FKBP9: variants seen among roughly 807,000 people sequenced by gnomAD.
The protein encoded by FKBP9 is FKBP prolyl isomerase 9.
Under a neutral mutation model 55.6 loss-of-function variants are expected in FKBP9, and 27 were observed. The observed-to-expected ratio is 0.49, with a 90% CI of 0.36 to 0.67. The LOEUF (loss-of-function observed/expected upper bound fraction) is 0.67, where lower values mean the gene tolerates loss of function less well. Ranked by LOEUF, FKBP9 falls within the 30% of genes least tolerant of loss-of-function variation. FKBP9 has a pLI of 0.00. For synonymous variants in FKBP9, 267 were observed against 296.5 expected (o/e 0.90, Z 1.02); for missense variants, 539 against 742.8 (o/e 0.73, Z 3.19).
intron 1 of FKBP9, among the ~76,000 whole-genome samples, chr7:32,959,161 T>C (rs1490211961): frequency 2.0e-5 from 3 of 148,574 alleles, no homozygotes; most frequent in African/African-American, 7.4e-5. Context: ...ATCCCAGCAC[T>C]TTGGGAGGCC....
At chr7:32,988,691 G>A (rs755719633) in intron 6 of FKBP9, 39 bp downstream of exon 6, 1 of 1,605,928 alleles carries the variant, frequency 6.2e-7, no homozygotes, top group Non-Finnish European at 8.5e-7. Context: ...ACTAGCTGTG[G>A]CTGCTTCCAC....
intron 6 of FKBP9, among the ~76,000 whole-genome samples, chr7:32,989,820 T>C (rs1449826433): frequency 1.3e-5 from 2 of 152,148 alleles, no homozygotes; most frequent in Non-Finnish European, 2.9e-5. Context: ...TACCTTACTT[T>C]ATTTTGTTTT....
intron 1 of FKBP9, among the ~76,000 whole-genome samples, chr7:32,960,223 T>G (rs1000609591): frequency 6.7e-6 from 1 of 150,142 alleles, no homozygotes. Context: ...CAAGCAATTC[T>G]CTTACCTCAG....
At chr7:32,995,962 G>A (rs1405441173) in intron 6 of FKBP9, among the ~76,000 whole-genome samples, 2 of 152,158 alleles carry the variant, frequency 1.3e-5, no homozygotes, top group Non-Finnish European at 2.9e-5. Flanking sequence ...CTGTGCCTCC[G>A]TTTATCCACC....
chr7:32,996,606 T>TTTCCTTCCTTCCTTCCTTCC lies in FKBP9; in HGVS notation c.1226+292_1226+311dup, dbSNP rs201756956. ...CAGATCTCATCGTATAACTGCTATC[T>TTTCCTTCCTTCCTTCCTTCC]TTCCTTCCTTCCTTCCTTCCTTCCT... On this transcript the variant is annotated intron_variant, in intron 7 of 9. Transcript: ENST00000242209. 7.7e-3 allele frequency among the ~76,000 whole-genome samples: 853 copies of TTTCCTTCCTTCCTTCCTTCC among 110,404 alleles called. 19 individuals carry two copies. The highest frequency in any genetic ancestry group is 0.011 in the African/African-American group (278 of 25,746). 72.4% of individuals were successfully genotyped at this position (110,404 alleles called of 152,430 possible).
intron 9 of FKBP9, 150 bp downstream of exon 9, chr7:33,002,989 C>T (rs1028975553): frequency 3.7e-5 from 24 of 655,278 alleles, no homozygotes; most frequent in East Asian, 8.3e-5. Flanking sequence ...GTGTGCCAAG[C>T]GCTTTTACAC....
At position 32,985,998 on chromosome 7, in the gene FKBP9, AAAG is replaced by A. The variant is rs972228251; in HGVS notation, c.894-2506_894-2504del. On this transcript the variant is annotated intron_variant, in intron 5 of 9. Transcript: ENST00000242209. ...ACAGAGTGAGACTGTGTCTCAAAAA[AAAG>A]AAAAGATAAAAGAACTTATAAGTTA... Among the ~76,000 whole-genome samples, 4 of 152,236 alleles carry A rather than the reference AAAG, an allele frequency of 2.6e-5. 1 individual carries two copies. Among genetic ancestry groups the A allele is most frequent in the African/African-American group, 9.6e-5 (4 of 41,464 alleles).
chr7:32,980,896 G>A (rs1488191348), intron 5 of FKBP9, among the ~76,000 whole-genome samples: 5 of 151,522 alleles, frequency 3.3e-5, no homozygotes, highest in East Asian at 1.9e-4. Context: ...CACCATGCTT[G>A]GCTAATGTTT....
chr7:32,964,165 T>A (rs1237613877), intron 1 of FKBP9, among the ~76,000 whole-genome samples: 1 of 152,200 alleles, frequency 6.6e-6, no homozygotes, highest in Non-Finnish European at 1.5e-5. Flanking sequence ...GCCCTGTGCG[T>A]TTCTGCTAAC....
At chr7:32,986,542 G>A (rs926789953) in intron 5 of FKBP9, among the ~76,000 whole-genome samples, 10 of 152,234 alleles carry the variant, frequency 6.6e-5, no homozygotes, top group Non-Finnish European at 1.0e-4. Flanking sequence ...TGCACCAGGA[G>A]GAGGATTGGA....
At chr7:32,971,384 CACAGTGCTTAG>C in intron 1 of FKBP9, among the ~76,000 whole-genome samples, 1 of 152,308 alleles carries the variant, frequency 6.6e-6, no homozygotes, top group South Asian at 2.1e-4. Context: ...CTTAATTGTT[CACAGTGCTTAG>C]GCGACATCAA....
At chr7:32,987,980 A>G (rs909067438) in intron 5 of FKBP9, among the ~76,000 whole-genome samples, 8 of 151,828 alleles carry the variant, frequency 5.3e-5, no homozygotes, top group African/African-American at 1.9e-4. Flanking sequence ...GGAGCTCAAG[A>G]CCAGGCTGAG....
Position 33,005,266 on chromosome 7 carries a change from C to G in FKBP9, c.1628C>G (p.Thr543Ser), listed in dbSNP as rs200378929. Reference sequence around the variant, plus strand: ...GAGCTGATTGTGAAGAATATGTTCACCAACCAGGACCGGAATGGAGATGGG... The same window carrying G: ...GAGCTGATTGTGAAGAATATGTTCAGCAACCAGGACCGGAATGGAGATGGG... ...DAELIVKNMF[T>S]NQDRNGDGKV... Residue 543 changes from threonine (T) to serine (S), a missense_variant, in exon 10 of 10, where the codon ACC becomes AGC. Thr to Ser is a moderately conservative substitution (Grantham distance 58). Coordinates refer to ENST00000242209, the MANE Select transcript of FKBP9 (RefSeq NM_007270.5). 5.3e-5 allele frequency: 86 copies of G among 1,614,148 alleles called. No individual in the cohort carries two copies. The highest frequency in any genetic ancestry group is 7.1e-5 in the Non-Finnish European group (84 of 1,180,024).
chr7:32,957,700 G>C lies in FKBP9; in HGVS notation c.127G>C (p.Val43Leu), dbSNP rs750279659. The change falls in exon 1 of 10, where the codon GTG becomes CTG. Residue 43 changes from valine (V) to leucine (L), a missense_variant. By Grantham distance (32) the Val-to-Leu change is conservative. Transcript: ENST00000242209. ...DAELQIERRF[V>L]PDECPRTVRS... ...GGAGCTGCAGATCGAGCGGCGCTTC[G>C]TGCCCGACGAGTGCCCGCGCACCGT... The C allele has an allele frequency of 2.6e-6, 4 of 1,539,802 alleles. No homozygotes were observed. Among genetic ancestry groups the C allele is most frequent in the Non-Finnish European group, 3.5e-6 (4 of 1,152,542 alleles).
rs1268728958 is a variant in FKBP9 at position 32,957,572 on chromosome 7, C to G, written c.-2C>G. 3 of 1,462,172 alleles carry G rather than the reference C, an allele frequency of 2.1e-6. No individual in the cohort carries two copies. The highest frequency in any genetic ancestry group is 3.0e-5 in the East Asian group (1 of 33,380). 90.6% of individuals were successfully genotyped at this position (1,462,172 alleles called of 1,614,324 possible). On this transcript the variant is annotated 5_prime_UTR_variant, in exon 1 of 10. Coordinates refer to ENST00000242209, the MANE Select transcript of FKBP9 (RefSeq NM_007270.5). ...GTCCGCGCCACTCTTCTCGCCGCCC[C>G]GATGGCGTTCCGGGGCTGGAGGCCC...
intron 8 of FKBP9, chr7:33,001,934 A>T (rs939634717): frequency 2.0e-5 from 3 of 152,222 alleles, no homozygotes; most frequent in Non-Finnish European, 1.5e-5. Context: ...TTACACATAT[A>T]CACATTTATT....
rs534282482 is a variant in FKBP9 at position 32,975,092 on chromosome 7, C to T, written c.368-90C>T. 34 of 1,041,426 alleles carry T rather than the reference C, an allele frequency of 3.3e-5. No homozygotes were observed. In the South Asian group the frequency reaches 4.7e-4, roughly 15 times the overall value. 64.5% of individuals were successfully genotyped at this position (1,041,426 alleles called of 1,614,324 possible). A position where few individuals can be genotyped will look rare whatever the true frequency, so the allele number is the denominator to read the frequency against. On this transcript the variant is annotated intron_variant, in intron 2 of 9. Coordinates refer to ENST00000242209, the MANE Select transcript of FKBP9 (RefSeq NM_007270.5). ...CGGTGACTGCTTGAACCCTTTTGGC[C>T]CACATTCACCTTGGGAGCATCCTAG...
chr7:32,985,074 G>T (rs1482157356), intron 5 of FKBP9, among the ~76,000 whole-genome samples: 1 of 151,798 alleles, frequency 6.6e-6, no homozygotes, highest in African/African-American at 2.4e-5. Flanking sequence ...TAAAACCCTG[G>T]AAGTATGAAA....
intron 6 of FKBP9, among the ~76,000 whole-genome samples, chr7:32,993,359 C>T (rs1303738715): frequency 2.0e-5 from 3 of 152,150 alleles, no homozygotes; most frequent in Non-Finnish European, 4.4e-5. Context: ...TACACAATAA[C>T]TCCCGATTCC....
Sources: allele counts gnomAD v4.1 joint callset (sites outside exome capture counted in the v4.1 genomes callset), GRCh38; gene constraint gnomAD v4.1.1; transcripts MANE v1.5; gene names NCBI Gene and HGNC (gene_info 2026-07-23, HGNC 2026-07-21).